The following ASB7 variants were observed in gnomAD, a reference collection of about 807,000 sequenced individuals.
ASB7 encodes the protein ankyrin repeat and SOCS box containing 7, also known as ankyrin repeat and SOCS box protein 7.
In ASB7, 4 loss-of-function variants were observed where a neutral mutation model predicts 32.5. The ratio of observed to expected loss-of-function variants is 0.12; its 90% CI spans 0.06 to 0.28. The LOEUF (loss-of-function observed/expected upper bound fraction) is 0.28, where lower values mean the gene tolerates loss of function less well. Ranked by LOEUF, ASB7 falls within the 10% of genes least tolerant of loss-of-function variation. The probability of loss-of-function intolerance (pLI) is 1.00; values close to 1 mark genes in which losing one functional copy is unlikely to be tolerated. For synonymous variants in ASB7, 172 were observed against 155.6 expected (o/e 1.11, Z -0.78); for missense variants, 181 against 407.1 (o/e 0.44, Z 4.78).
intron 4 of ASB7, among the ~76,000 whole-genome samples, chr15:100,620,198 T>C (rs951245494): frequency 2.0e-5 from 3 of 152,266 alleles, no homozygotes; most frequent in African/African-American, 7.2e-5. Flanking sequence ...CATATCTTCC[T>C]GTGTACTTTA....
intron 4 of ASB7, among the ~76,000 whole-genome samples, chr15:100,613,123 A>G (rs1176593733): frequency 6.6e-6 from 1 of 152,190 alleles, no homozygotes; most frequent in Non-Finnish European, 1.5e-5. Flanking sequence ...TGGGTTTTTT[A>G]TATATTTGAT....
Position 100,648,514 on chromosome 15 carries a change from G to T in ASB7, c.*52G>T, listed in dbSNP as rs2040011050. 6.8e-7 allele frequency: 1 copy of T among 1,470,894 alleles called. No individual in the cohort carries two copies. The highest frequency in any genetic ancestry group is 9.3e-7 in the Non-Finnish European group (1 of 1,078,532). 91.1% of individuals were successfully genotyped at this position (1,470,894 alleles called of 1,614,324 possible). ...GAGTTCTATTCTAGATACTTAAAAG[G>T]CTTTTTGCCTTGCACAAAGTATATC... On this transcript the variant is annotated 3_prime_UTR_variant, in exon 6 of 6. Transcript: ENST00000332783.
Position 100,648,360 on chromosome 15 carries a change from A to G in ASB7, c.855A>G (p.Lys285=). The change falls in exon 6 of 6, where the codon AAA becomes AAG. Residue 285 remains lysine, a synonymous_variant. Coordinates refer to ENST00000332783, the MANE Select transcript of ASB7 (RefSeq NM_198243.3). The stretch of plus-strand genomic sequence containing the variant: ...ACTTGCAGGACCTGTGCCGAATTAA[A>G]ATTCGACAATGTATAGGCCTTCAAA... ...PRNLQDLCRI[K]IRQCIGLQNL... is the part of the protein sequence containing the mutation. The G allele has an allele frequency of 3.7e-6, 6 of 1,609,286 alleles. No homozygotes were observed. The highest frequency in any genetic ancestry group is 5.1e-6 in the Non-Finnish European group (6 of 1,178,176).
intron 5 of ASB7, chr15:100,645,386 T>C (rs768853043): frequency 7.0e-5 from 19 of 270,346 alleles, no homozygotes; most frequent in Non-Finnish European, 6.5e-5. Context: ...TTTTCATTTA[T>C]AGAAAGAATC....
chr15:100,616,707 C>T lies in ASB7; in HGVS notation c.211+4280C>T, dbSNP rs1489846917. 2.0e-5 allele frequency among the ~76,000 whole-genome samples: 3 copies of T among 152,190 alleles called. No individual in the cohort carries two copies. The East Asian group carries it at 5.8e-4, about 29-fold the overall frequency. On this transcript the variant is annotated intron_variant, in intron 4 of 5. Transcript: ENST00000332783. Reference sequence around the variant, plus strand: ...TTTATGTAGCACCTTTTACCTGATACCCTTTCCCTAGTAGAATAAGAGATT... The same window carrying T: ...TTTATGTAGCACCTTTTACCTGATATCCTTTCCCTAGTAGAATAAGAGATT...
chr15:100,624,939 A>C (rs1160817879), intron 4 of ASB7, among the ~76,000 whole-genome samples: 2 of 152,250 alleles, frequency 1.3e-5, no homozygotes, highest in Non-Finnish European at 2.9e-5. Flanking sequence ...TATTTACTCC[A>C]GGAGTACAAT....
chr15:100,649,299 A>G lies in ASB7; in HGVS notation c.*837A>G, dbSNP rs1468171030. 1 of 152,170 alleles carries G rather than the reference A, an allele frequency of 6.6e-6. No homozygotes were observed. The highest frequency in any genetic ancestry group is 1.5e-5 in the Non-Finnish European group (1 of 68,028). The allele number at this position is 152,170 out of a possible 1,614,324, so 9.4% of individuals were successfully genotyped here. On this transcript the variant is annotated 3_prime_UTR_variant, in exon 6 of 6. Coordinates refer to ENST00000332783, the MANE Select transcript of ASB7 (RefSeq NM_198243.3). ...ACTTGCTGGTCGTCATTTCACAGCCAGCTTTGACATGCCCGTGAGGACAGG... is the reference window on the plus strand; with the variant it reads ...ACTTGCTGGTCGTCATTTCACAGCCGGCTTTGACATGCCCGTGAGGACAGG...
In ASB7 at chr15:100,633,916, C is replaced by G. The variant is rs145977481; in HGVS notation, c.817+3874C>G. ...ACACCACTCCAGAACTAAGAGGATC[C>G]TGGAGGCTCTGGCATGTGGGCATTG... On this transcript the variant is annotated intron_variant, in intron 5 of 5. Transcript: ENST00000332783. Among the ~76,000 whole-genome samples, 385 of 152,256 alleles carry G rather than the reference C, an allele frequency of 2.5e-3. 2 individuals carry two copies. The highest frequency in any genetic ancestry group is 8.6e-3 in the African/African-American group (358 of 41,528).
chr15:100,648,449 TTGA>T lies in ASB7; in HGVS notation c.949_951del (p.Asp317del), dbSNP rs2040010517. The T allele has an allele frequency of 1.9e-6, 3 of 1,606,978 alleles. No homozygotes were observed. The highest frequency in any genetic ancestry group is 2.6e-6 in the Non-Finnish European group (3 of 1,174,954). ...ATGAAAGACTACTTAAAACACAAAT[TTGA>T]TGATATCTGATATGCCAGAACTGTG... On this transcript the variant is annotated inframe_deletion, in exon 6 of 6. Transcript: ENST00000332783.
chr15:100,648,648 T>A lies in ASB7; in HGVS notation c.*186T>A. ...AGGGGAGGGATTTTTTATATATATA[T>A]AAAAACACACACCACATGCTTGAAG... is the stretch of plus-strand genomic sequence containing the variant. On this transcript the variant is annotated 3_prime_UTR_variant, in exon 6 of 6. Transcript: ENST00000332783. The A allele has an allele frequency of 4.2e-6, 2 of 478,258 alleles. No individual in the cohort carries two copies. The highest frequency in any genetic ancestry group is 7.3e-6 in the Non-Finnish European group (2 of 273,232). The allele number at this position is 478,258 out of a possible 1,614,324, so 29.6% of individuals were successfully genotyped here.
intron 4 of ASB7, among the ~76,000 whole-genome samples, chr15:100,620,555 C>G (rs1350695071): frequency 1.2e-5 from 1 of 80,358 alleles, no homozygotes; most frequent in Non-Finnish European, 3.6e-5. Context: ...CCCTGGTAGT[C>G]TTTATGGGAT....
At chr15:100,645,425 T>C in intron 5 of ASB7, 1 of 334,450 alleles carries the variant, frequency 3.0e-6, no homozygotes. Flanking sequence ...TTCGAGTTCA[T>C]GCCCCCCGGA....
Position 100,651,416 on chromosome 15 carries a change from C to T in ASB7, c.*2954C>T, listed in dbSNP as rs2040031397. 6.6e-6 allele frequency: 1 copy of T among 152,148 alleles called. No homozygotes were observed. Among genetic ancestry groups the T allele is most frequent in the Admixed American group, 6.5e-5 (1 of 15,282 alleles). 9.4% of individuals were successfully genotyped at this position (152,148 alleles called of 1,614,324 possible). On this transcript the variant is annotated 3_prime_UTR_variant, in exon 6 of 6. Transcript: ENST00000332783. ...CAGCGTTCTGGCAGTAGCAAGAGTA[C>T]ACATCTGGAGCATGAGGGACTCTAG...
At chr15:100,627,497 A>G (rs998722286) in intron 4 of ASB7, among the ~76,000 whole-genome samples, 1 of 152,076 alleles carries the variant, frequency 6.6e-6, no homozygotes, top group African/African-American at 2.4e-5. Context: ...TTGCATTTTC[A>G]TTGCTTCTAA....
At chr15:100,623,939 C>G (rs1022529032) in intron 4 of ASB7, among the ~76,000 whole-genome samples, 2 of 152,134 alleles carry the variant, frequency 1.3e-5, no homozygotes, top group Non-Finnish European at 2.9e-5. Flanking sequence ...TGGAATCAAC[C>G]TAAGTGTCCA....
At chr15:100,608,169 A>G (rs943407041) in intron 2 of ASB7, among the ~76,000 whole-genome samples, 2 of 152,204 alleles carry the variant, frequency 1.3e-5, no homozygotes, top group Admixed American at 6.5e-5. Flanking sequence ...ATTTGTGGCA[A>G]TGTGTGAGGC....
chr15:100,607,502 G>A (rs1208966925), intron 2 of ASB7, among the ~76,000 whole-genome samples: 2 of 152,224 alleles, frequency 1.3e-5, no homozygotes, highest in Non-Finnish European at 2.9e-5. Context: ...GTAGCTGACA[G>A]GGATCATGTG....
chr15:100,643,477 C>CTTTTTTTTTTTTT (rs1172063471), intron 5 of ASB7, among the ~76,000 whole-genome samples: 6 of 104,380 alleles, frequency 5.7e-5, no homozygotes, highest in African/African-American at 2.3e-4. Flanking sequence ...GTCCCTTCTT[C>CTTTTTTTTTTTTT]TTTTTTTTTT....
chr15:100,625,949 G>T (rs2039833298), intron 4 of ASB7, among the ~76,000 whole-genome samples: 2 of 152,152 alleles, frequency 1.3e-5, no homozygotes, highest in African/African-American at 4.8e-5. Flanking sequence ...GGAACAAGTA[G>T]ATATCTTTGT....
Sources: allele counts gnomAD v4.1 joint callset (sites outside exome capture counted in the v4.1 genomes callset), GRCh38; gene constraint gnomAD v4.1.1; transcripts MANE v1.5; gene names NCBI Gene and HGNC (gene_info 2026-07-23, HGNC 2026-07-21).